The following DOCK3 variants were observed in gnomAD, a reference collection of about 807,000 sequenced individuals.
The protein encoded by DOCK3 is dedicator of cytokinesis protein 3.
DOCK3 carries 60 observed loss-of-function variants against 265.6 expected under a neutral mutation model. The ratio of observed to expected loss-of-function variants is 0.23; its 90% CI spans 0.18 to 0.28. The LOEUF (loss-of-function observed/expected upper bound fraction) is 0.28, where lower values mean the gene tolerates loss of function less well. DOCK3 is among the 10% of genes least tolerant of loss of function. The pLI is 1.00. For synonymous variants in DOCK3, 881 were observed against 938.0 expected (o/e 0.94, Z 1.11); for missense variants, 1,981 against 2,594.3 (o/e 0.76, Z 5.14).
intron 24 of DOCK3, among the ~76,000 whole-genome samples, chr3:51,272,354 G>C (rs191526467): frequency 1.3e-5 from 2 of 148,648 alleles, no homozygotes; most frequent in Admixed American, 6.7e-5. Context: ...TCAGCTCACC[G>C]CAGCCTCCGC....
chr3:51,065,537 A>G (rs1256346288), intron 6 of DOCK3, among the ~76,000 whole-genome samples: 4 of 152,198 alleles, frequency 2.6e-5, no homozygotes, highest in African/African-American at 7.2e-5. Flanking sequence ...GAAGCTTTGA[A>G]AAGGACTTGG....
chr3:50,736,187 G>A (rs2108176073), intron 1 of DOCK3, among the ~76,000 whole-genome samples: 1 of 152,234 alleles, frequency 6.6e-6, no homozygotes, highest in Non-Finnish European at 1.5e-5. Flanking sequence ...TGCTGAGAAT[G>A]ATGGTTTCCA....
chr3:50,914,276 GT>G (rs1449159654), intron 4 of DOCK3, among the ~76,000 whole-genome samples: 5 of 151,178 alleles, frequency 3.3e-5, no homozygotes, highest in Non-Finnish European at 7.4e-5. Flanking sequence ...ATTCATTCTT[GT>G]TGTTCATTTG....
At chr3:51,213,999 A>G in intron 13 of DOCK3, 123 bp from the exon 14 acceptor site, 1 of 1,336,770 alleles carries the variant, frequency 7.5e-7, no homozygotes, top group Non-Finnish European at 1.0e-6. Context: ...TCTGCATAAA[A>G]GTTTTTCTCA....
intron 4 of DOCK3, among the ~76,000 whole-genome samples, chr3:50,911,990 C>T (rs183526010): frequency 2.0e-5 from 3 of 152,046 alleles, no homozygotes; most frequent in African/African-American, 7.2e-5. Flanking sequence ...TTGTTGGTCT[C>T]TTGAAGTGCT....
chr3:50,874,066 G>GTTTTT (rs3043436), intron 3 of DOCK3, among the ~76,000 whole-genome samples: 1 of 106,236 alleles, frequency 9.4e-6, no homozygotes, highest in African/African-American at 3.2e-5. Context: ...CTTTTCTTTT[G>GTTTTT]TTTTTTTTTT....
intron 8 of DOCK3, 21 bp from the exon 9 acceptor site, chr3:51,090,209 G>A (rs979665227): frequency 1.3e-6 from 2 of 1,524,612 alleles, no homozygotes; most frequent in East Asian, 2.4e-5. Context: ...AAAATCACTG[G>A]GTTTTTTTCT....
intron 10 of DOCK3, among the ~76,000 whole-genome samples, chr3:51,152,498 A>C (rs941355726): frequency 5.3e-5 from 8 of 152,122 alleles, no homozygotes; most frequent in Non-Finnish European, 7.4e-5. Context: ...ACTTCTGTCA[A>C]CTCATCAAAG....
intron 23 of DOCK3, 139 bp downstream of exon 23, chr3:51,260,465 C>G: frequency 1.9e-6 from 2 of 1,060,238 alleles, no homozygotes; most frequent in Non-Finnish European, 2.6e-6. Context: ...AAGGAAATAC[C>G]TGATACAACA....
At chr3:50,953,352 A>G (rs746491177) in intron 5 of DOCK3, among the ~76,000 whole-genome samples, 17 of 152,164 alleles carry the variant, frequency 1.1e-4, no homozygotes, top group Non-Finnish European at 1.9e-4. Context: ...TCTTCACATT[A>G]GAGCAGTATT....
intron 1 of DOCK3, among the ~76,000 whole-genome samples, chr3:50,721,993 TG>T (rs2108024328): frequency 6.6e-6 from 1 of 152,272 alleles, no homozygotes; most frequent in Admixed American, 6.5e-5. Context: ...GGGTCTTCAC[TG>T]AATGGGGGGT....
intron 1 of DOCK3, among the ~76,000 whole-genome samples, chr3:50,755,145 C>T (rs2040082826): frequency 6.6e-6 from 1 of 152,174 alleles, no homozygotes; most frequent in African/African-American, 2.4e-5. Flanking sequence ...TTACTCTGTA[C>T]TTGAGCAAGT....
intron 4 of DOCK3, among the ~76,000 whole-genome samples, chr3:50,891,232 T>C (rs151035699): frequency 2.0e-5 from 3 of 152,226 alleles, no homozygotes; most frequent in African/African-American, 7.2e-5. Context: ...AAAACACAGC[T>C]TGTGGATTGC....
At chr3:50,694,800 A>G (rs907658355) in intron 1 of DOCK3, among the ~76,000 whole-genome samples, 1 of 152,246 alleles carries the variant, frequency 6.6e-6, no homozygotes, top group African/African-American at 2.4e-5. Context: ...CGGCAGAGCC[A>G]GACTCTGTCT....
At chr3:51,221,784 G>A (rs2090110121) in intron 14 of DOCK3, among the ~76,000 whole-genome samples, 1 of 152,198 alleles carries the variant, frequency 6.6e-6, no homozygotes, top group Admixed American at 6.5e-5. Flanking sequence ...AACAAAGGGA[G>A]TCAGGGCTGC....
intron 2 of DOCK3, among the ~76,000 whole-genome samples, chr3:50,828,256 C>T (rs2107052311): frequency 6.6e-6 from 1 of 151,872 alleles, no homozygotes; most frequent in East Asian, 1.9e-4. Flanking sequence ...TTAGAGTCTA[C>T]CTTAAATTTG....
At chr3:50,783,651 A>T (rs1375069394) in intron 2 of DOCK3, among the ~76,000 whole-genome samples, 1 of 151,978 alleles carries the variant, frequency 6.6e-6, no homozygotes, top group African/African-American at 2.4e-5. Context: ...TTTGTGGATT[A>T]TCTGTTTACT....
In DOCK3 at chr3:50,898,907, G is replaced by C. The variant is rs539894182; in HGVS notation, c.218+8826G>C. Among the ~76,000 whole-genome samples, 5 of 152,184 alleles carry C rather than the reference G, an allele frequency of 3.3e-5. No individual in the cohort carries two copies. In the South Asian group the frequency reaches 8.3e-4, roughly 25 times the overall value. On this transcript the variant is annotated intron_variant, in intron 4 of 52. Coordinates refer to ENST00000266037, the MANE Select transcript of DOCK3 (RefSeq NM_004947.5). Reference sequence around the variant, plus strand: ...GTGTTTTACTTCCAATTATGTGATCGATTTCAGAATAAGTGCGATGTAGTG... The same window carrying C: ...GTGTTTTACTTCCAATTATGTGATCCATTTCAGAATAAGTGCGATGTAGTG...
intron 14 of DOCK3, among the ~76,000 whole-genome samples, chr3:51,224,102 A>G (rs191598709): frequency 2.9e-4 from 44 of 152,280 alleles, no homozygotes; most frequent in Non-Finnish European, 5.3e-4. Context: ...TTCAAAACAC[A>G]TTTTCTTCTT....
Sources: allele counts gnomAD v4.1 joint callset (sites outside exome capture counted in the v4.1 genomes callset), GRCh38; gene constraint gnomAD v4.1.1; transcripts MANE v1.5; gene names NCBI Gene and HGNC (gene_info 2026-07-23, HGNC 2026-07-21).